XIRP2: variants seen among roughly 807,000 people sequenced by gnomAD.
XIRP2 encodes xin actin binding repeat containing 2, also known as xin actin-binding repeat-containing protein 2.
Under a neutral mutation model 277.0 loss-of-function variants are expected in XIRP2, and 236 were observed. The ratio of observed to expected loss-of-function variants is 0.85; its 90% CI spans 0.77 to 0.95. The LOEUF is 0.95. Ranked by LOEUF, XIRP2 falls within the 40% of genes least tolerant of loss-of-function variation. The probability of loss-of-function intolerance (pLI) is 0.00; values close to 1 mark genes in which losing one functional copy is unlikely to be tolerated. For synonymous variants in XIRP2, 1,490 were observed against 1,416.5 expected (o/e 1.05, Z -1.17); for missense variants, 4,640 against 4,157.5 (o/e 1.12, Z -3.19).
Position 166,903,651 on chromosome 2 carries a change from T to C in XIRP2, c.169T>C (p.Leu57=). 8.7e-6 allele frequency: 14 copies of C among 1,613,594 alleles called. No individual in the cohort carries two copies. The highest frequency in any genetic ancestry group is 1.2e-5 in the Non-Finnish European group (14 of 1,179,754). Residue 57 remains leucine, a synonymous_variant, in exon 2 of 11, where the codon TTG becomes CTG. Coordinates refer to ENST00000409195, the MANE Select transcript of XIRP2 (RefSeq NM_152381.6). ...AGAGGTAGTATCAGCACCTCAATCT[T>C]TGGATCCCACAAGTCTGCCCTACAG... ...EGEVVSAPQS[L]DPTSLPYSTG...
At chr2:167,131,928 G>A (rs552319941) in intron 2 of XIRP2, among the ~76,000 whole-genome samples, 2 of 152,136 alleles carry the variant, frequency 1.3e-5, no homozygotes, top group East Asian at 3.9e-4. Context: ...TCATTTAATA[G>A]CTTCACAATC....
At chr2:166,976,012 A>G (rs975874437) in intron 2 of XIRP2, among the ~76,000 whole-genome samples, 2 of 151,780 alleles carry the variant, frequency 1.3e-5, no homozygotes, top group African/African-American at 4.8e-5. Flanking sequence ...GTATACTAAA[A>G]ACTATCCTTT....
intron 2 of XIRP2, among the ~76,000 whole-genome samples, chr2:166,999,734 A>G (rs978271745): frequency 2.0e-5 from 3 of 152,186 alleles, no homozygotes; most frequent in African/African-American, 4.8e-5. Flanking sequence ...AGCATCTGAC[A>G]AACTTAAGCA....
chr2:167,205,561 G>A (rs1451549541), intron 3 of XIRP2, among the ~76,000 whole-genome samples: 1 of 151,858 alleles, frequency 6.6e-6, no homozygotes, highest in Non-Finnish European at 1.5e-5. Flanking sequence ...CTTCATAGTG[G>A]GATGGTATCT....
chr2:167,037,414 C>A (rs1452980341), intron 2 of XIRP2, among the ~76,000 whole-genome samples: 2 of 151,896 alleles, frequency 1.3e-5, no homozygotes, highest in African/African-American at 4.8e-5. Context: ...GGTCACCAAC[C>A]TGTCAGCTTG....
chr2:167,035,895 A>G (rs571225112), intron 2 of XIRP2, among the ~76,000 whole-genome samples: 1 of 152,292 alleles, frequency 6.6e-6, no homozygotes, highest in Admixed American at 6.5e-5. Context: ...CCTCTGTCCC[A>G]GCTGCTCCAG....
At chr2:167,097,341 G>GT (rs1394501198) in intron 2 of XIRP2, among the ~76,000 whole-genome samples, 2 of 151,502 alleles carry the variant, frequency 1.3e-5, no homozygotes, top group Non-Finnish European at 2.9e-5. Flanking sequence ...TTTAAAGTCT[G>GT]TTTTATCAGA....
At chr2:167,036,577 A>C (rs911977142) in intron 2 of XIRP2, among the ~76,000 whole-genome samples, 7 of 152,138 alleles carry the variant, frequency 4.6e-5, no homozygotes, top group Admixed American at 3.9e-4. Flanking sequence ...ACAGGCTCAT[A>C]GGCAGAAGGG....
chr2:167,048,964 T>A (rs1688853853), intron 2 of XIRP2, among the ~76,000 whole-genome samples: 1 of 151,982 alleles, frequency 6.6e-6, no homozygotes, highest in African/African-American at 2.4e-5. Flanking sequence ...ACTGTAAAAT[T>A]GATGAAAGCC....
At chr2:167,013,948 G>C (rs1031726194) in intron 2 of XIRP2, among the ~76,000 whole-genome samples, 1 of 151,176 alleles carries the variant, frequency 6.6e-6, no homozygotes, top group African/African-American at 2.4e-5. Context: ...TTACAGGGGA[G>C]TGAGGACTTA....
chr2:167,250,871 C>G lies in XIRP2; in HGVS notation c.9479C>G (p.Ser3160Trp), dbSNP rs1348177382. 3.7e-6 allele frequency: 6 copies of G among 1,613,276 alleles called. No individual in the cohort carries two copies. Among genetic ancestry groups the G allele is most frequent in the Admixed American group, 1.7e-5 (1 of 59,920 alleles). ...YVEPPPRRPM[S>W]QKSEIHRANT... ...GAACCCCCACCAAGAAGGCCCATGT[C>G]GCAAAAATCTGAAATTCACAGAGCA... is the stretch of plus-strand genomic sequence containing the variant. Residue 3160 changes from serine to tryptophan, a missense_variant, in exon 9 of 11, where the codon TCG becomes TGG. Coordinates refer to ENST00000409195, the MANE Select transcript of XIRP2 (RefSeq NM_152381.6).
intron 2 of XIRP2, among the ~76,000 whole-genome samples, chr2:167,072,456 T>C (rs1435307662): frequency 6.6e-6 from 1 of 152,208 alleles, no homozygotes; most frequent in Non-Finnish European, 1.5e-5. Context: ...CTCTATATAC[T>C]AGGTCAAACC....
intron 3 of XIRP2, among the ~76,000 whole-genome samples, chr2:167,152,562 G>A (rs1209712635): frequency 1.3e-5 from 2 of 152,044 alleles, no homozygotes; most frequent in African/African-American, 4.8e-5. Flanking sequence ...GAGTGAACCT[G>A]GGATAGGTAG....
At chr2:167,239,509 T>C (rs1025365884) in intron 5 of XIRP2, among the ~76,000 whole-genome samples, 12 of 152,220 alleles carry the variant, frequency 7.9e-5, no homozygotes. Flanking sequence ...CTCAGTCTGA[T>C]AGAGGCAAGG....
intron 3 of XIRP2, among the ~76,000 whole-genome samples, chr2:167,201,038 A>G (rs1365161876): frequency 6.6e-6 from 1 of 151,560 alleles, no homozygotes. Context: ...AGGCAGGAGA[A>G]TTGCTTGAAC....
intron 2 of XIRP2, among the ~76,000 whole-genome samples, chr2:167,065,614 A>T (rs551894078): frequency 9.9e-5 from 15 of 151,866 alleles, no homozygotes; most frequent in African/African-American, 3.6e-4. Flanking sequence ...ATCTTGTAAA[A>T]TATCCTTTAA....
At position 166,903,492 on chromosome 2, in the gene XIRP2, A is replaced by G. The variant is rs80326955; in HGVS notation, c.10A>G (p.Met4Val). The change falls in exon 2 of 11, where the codon ATG becomes GTG. Residue 4 changes from methionine (M) to valine (V), a missense_variant. Met to Val is a conservative substitution (Grantham distance 21). Transcript: ENST00000409195. The part of the protein sequence containing the change: MFP[M>V]QKGSLNLLRQ... ...CAACCTGGACCCATCCATGTTCCCA[A>G]TGCAGAAGGGCTCCCTCAACCTCCT... The G allele has an allele frequency of 2.8e-3, 4,450 of 1,612,416 alleles. 100 individuals carry two copies. The African/African-American group carries it at 0.05, about 18-fold the overall frequency.
chr2:167,111,686 T>C (rs953835162), intron 2 of XIRP2, among the ~76,000 whole-genome samples: 4 of 152,146 alleles, frequency 2.6e-5, no homozygotes, highest in Non-Finnish European at 4.4e-5. Flanking sequence ...GCTCGTCTCA[T>C]AGAAGGAGTT....
intron 2 of XIRP2, among the ~76,000 whole-genome samples, chr2:166,914,066 G>T (rs565287185): frequency 2.0e-5 from 3 of 152,310 alleles, no homozygotes; most frequent in East Asian, 3.9e-4. Context: ...GAAATGCAAA[G>T]ATTTTCATGA....
Sources: allele counts gnomAD v4.1 joint callset (sites outside exome capture counted in the v4.1 genomes callset), GRCh38; gene constraint gnomAD v4.1.1; transcripts MANE v1.5; gene names NCBI Gene and HGNC (gene_info 2026-07-23, HGNC 2026-07-21).